MICAL2: variants seen among roughly 807,000 people sequenced by gnomAD.
MICAL2 encodes microtubule associated monooxygenase, calponin and LIM domain containing 2.
In MICAL2, 77 loss-of-function variants were observed where a neutral mutation model predicts 127.3. The observed-to-expected ratio is 0.60, with a 90% CI of 0.50 to 0.73. MICAL2 has a LOEUF of 0.73. Ranked by LOEUF, MICAL2 falls within the 30% of genes least tolerant of loss-of-function variation. The probability of loss-of-function intolerance (pLI) is 0.00; values close to 1 mark genes in which losing one functional copy is unlikely to be tolerated. For synonymous variants in MICAL2, 570 were observed against 551.1 expected (o/e 1.03, Z -0.48); for missense variants, 1,351 against 1,434.4 (o/e 0.94, Z 0.94).
downstream of MICAL2, chr11:12,294,814 T>TCCC (rs774325783): frequency 1.0e-5 from 15 of 1,506,224 alleles, no homozygotes; most frequent in Middle Eastern, 2.3e-4. Flanking sequence ...CTCCTCCTCC[T>TCCC]CCTCCTCCTC....
At chr11:12,361,319 G>T (rs1445791862), downstream of MICAL2, among the ~76,000 whole-genome samples, 6 of 152,286 alleles carry the variant, frequency 3.9e-5, no homozygotes, top group East Asian at 9.6e-4. Context: ...TGCCCATGGG[G>T]TTCTGCAGCC....
intron 3 of MICAL2, 68 bp downstream of exon 3, chr11:12,162,487 C>T (rs769349595): frequency 3.2e-6 from 5 of 1,577,466 alleles, no homozygotes; most frequent in Non-Finnish European, 4.3e-6. Flanking sequence ...GGTTAGGAAG[C>T]TGTTGCCATT....
intron 9 of MICAL2, among the ~76,000 whole-genome samples, chr11:12,220,812 C>T (rs1156768733): frequency 2.0e-5 from 3 of 152,236 alleles, no homozygotes; most frequent in Non-Finnish European, 4.4e-5. Flanking sequence ...GTGGGCGGCC[C>T]TTTGTGGCCT....
intron 32 of MICAL2, among the ~76,000 whole-genome samples, chr11:12,345,399 G>C (rs140637143): frequency 6.6e-6 from 1 of 152,148 alleles, no homozygotes; most frequent in African/African-American, 2.4e-5. Context: ...ATATAGAGTC[G>C]GCTTCATCCA....
At chr11:12,240,124 T>C (rs1859672498) in intron 17 of MICAL2, among the ~76,000 whole-genome samples, 1 of 152,170 alleles carries the variant, frequency 6.6e-6, no homozygotes, top group African/African-American at 2.4e-5. Flanking sequence ...AAGGCCAACC[T>C]CCCAGGTGTT....
Position 12,211,897 on chromosome 11 carries a change from C to A in MICAL2, c.692-1358C>A, listed in dbSNP as rs537547245. ...GTGGTGGCAACCTGGGCAGGAAAACCGCAACTGCTTGCAAACAGCATGCAG... is the reference window on the plus strand; with the variant it reads ...GTGGTGGCAACCTGGGCAGGAAAACAGCAACTGCTTGCAAACAGCATGCAG... On this transcript the variant is annotated intron_variant, in intron 6 of 27. Transcript: ENST00000683283. Among the ~76,000 whole-genome samples the A allele has an allele frequency of 9.2e-5, 14 of 152,292 alleles. No individual in the cohort carries two copies. The South Asian group carries it at 2.7e-3, about 29-fold the overall frequency.
intron 3 of MICAL2, among the ~76,000 whole-genome samples, chr11:12,166,862 T>A (rs1476956431): frequency 6.6e-6 from 1 of 151,646 alleles, no homozygotes; most frequent in East Asian, 1.9e-4. Context: ...TGAGTAGGAG[T>A]TTGCCATGTA....
At chr11:12,270,721 A>C (rs11022269) in intron 24 of MICAL2, among the ~76,000 whole-genome samples, 11,774 of 152,280 alleles carry the variant, frequency 0.077, 576 homozygotes, top group Non-Finnish European at 0.11. Flanking sequence ...CAGAGAGAAC[A>C]GTGGACAGTG....
At chr11:12,146,326 G>A (rs1852900904) in intron 2 of MICAL2, among the ~76,000 whole-genome samples, 1 of 152,084 alleles carries the variant, frequency 6.6e-6, no homozygotes. Context: ...TCTGACAAAG[G>A]GCTAATATCC....
At chr11:12,184,185 A>G (rs767032629) in intron 3 of MICAL2, among the ~76,000 whole-genome samples, 6 of 152,236 alleles carry the variant, frequency 3.9e-5, no homozygotes, top group Non-Finnish European at 8.8e-5. Flanking sequence ...TGAGGCCTGG[A>G]TAAAATAATA....
At chr11:12,311,185 C>T (rs180756638) in intron 29 of MICAL2, among the ~76,000 whole-genome samples, 200 of 152,196 alleles carry the variant, frequency 1.3e-3, no homozygotes, top group African/African-American at 4.5e-3. Flanking sequence ...TTCTTTTTCT[C>T]GCCTAACTGC....
At chr11:12,357,840 A>T (rs1257117443) in intron 34 of MICAL2, among the ~76,000 whole-genome samples, 2 of 152,136 alleles carry the variant, frequency 1.3e-5, no homozygotes, top group African/African-American at 4.8e-5. Flanking sequence ...TCCATCTCAA[A>T]AAAAGAAAAA....
At chr11:12,302,310 G>A (rs1864056292) in intron 29 of MICAL2, among the ~76,000 whole-genome samples, 1 of 152,178 alleles carries the variant, frequency 6.6e-6, no homozygotes, top group African/African-American at 2.4e-5. Context: ...GGGTAGGTAT[G>A]TATGATAGTT....
At chr11:12,318,741 C>A (rs1279014747) in intron 29 of MICAL2, among the ~76,000 whole-genome samples, 1 of 152,200 alleles carries the variant, frequency 6.6e-6, no homozygotes, top group African/African-American at 2.4e-5. Context: ...TACTCATTAA[C>A]TCTGCATCAT....
At position 12,254,419 on chromosome 11, in the gene MICAL2, T is replaced by A. The variant is rs142259394; in HGVS notation, c.2848-1224T>A. 4 of 152,468 alleles carry A rather than the reference T, an allele frequency of 2.6e-5. No individual in the cohort carries two copies. In the East Asian group the frequency reaches 7.7e-4, roughly 29 times the overall value. The allele number at this position is 152,468 out of a possible 1,614,324, so 9.4% of individuals were successfully genotyped here. On this transcript the variant is annotated intron_variant, in intron 22 of 27. Coordinates refer to ENST00000683283, the MANE Select transcript of MICAL2 (RefSeq NM_001282663.2). ...CATACCCTTCCCCTGGTCTTCCTGG[T>A]CCCTGAGCAGCTGCCTGCAGCCCTC... is the stretch of plus-strand genomic sequence containing the variant.
At chr11:12,135,689 G>C (rs1851777136) in intron 1 of MICAL2, among the ~76,000 whole-genome samples, 1 of 152,202 alleles carries the variant, frequency 6.6e-6, no homozygotes, top group African/African-American at 2.4e-5. Context: ...TGGTTTGACT[G>C]ATCATAGGGC....
At chr11:12,313,472 G>C (rs1864198121) in intron 29 of MICAL2, among the ~76,000 whole-genome samples, 1 of 152,114 alleles carries the variant, frequency 6.6e-6, no homozygotes, top group Non-Finnish European at 1.5e-5. Flanking sequence ...TAATTCCACT[G>C]TTATCCAAAG....
chr11:12,225,113 G>A (rs932613900), intron 13 of MICAL2, among the ~76,000 whole-genome samples: 2 of 150,046 alleles, frequency 1.3e-5, no homozygotes, highest in Non-Finnish European at 3.0e-5. Flanking sequence ...TTTGGAATTT[G>A]AGCATTCACA....
At chr11:12,230,720 C>CCG (rs1590499591) in intron 15 of MICAL2, among the ~76,000 whole-genome samples, 3 of 151,894 alleles carry the variant, frequency 2.0e-5, no homozygotes, top group African/African-American at 2.4e-5. Flanking sequence ...TCTTTCCCCC[C>CCG]CCATCTTATT....
Sources: gnomAD v4.1 joint callset for allele counts (sites outside exome capture counted in the v4.1 genomes callset) on GRCh38, gnomAD v4.1.1 for gene constraint, MANE v1.5 for transcripts, NCBI Gene and HGNC (gene_info 2026-07-23, HGNC 2026-07-21) for gene names.